The following BPTF variants were observed in gnomAD, a reference collection of about 807,000 sequenced individuals.
BPTF encodes the protein bromodomain PHD finger transcription factor.
A neutral mutation model predicts 292.5 loss-of-function variants in BPTF; 18 were observed. That is an observed-to-expected ratio of 0.06 (90% confidence interval 0.04 to 0.09). BPTF has a LOEUF of 0.09. BPTF is among the 10% of genes least tolerant of loss of function. BPTF has a pLI of 1.00. For missense variants in BPTF, 2,726 were observed against 3,498.7 expected, an observed-to-expected ratio of 0.78 and a Z score of 5.57; for synonymous variants, 1,225 against 1,251.9, an observed-to-expected ratio of 0.98 and a Z score of 0.45.
At chr17:67,927,875 A>G (rs1398355781) in intron 15 of BPTF, among the ~76,000 whole-genome samples, 1 of 152,114 alleles carries the variant, frequency 6.6e-6, no homozygotes, top group African/African-American at 2.4e-5. Flanking sequence ...TCATCAAGAA[A>G]TTAAATTCAG....
intron 1 of BPTF, among the ~76,000 whole-genome samples, chr17:67,841,854 T>A (rs1367894654): frequency 6.6e-6 from 1 of 152,160 alleles, no homozygotes; most frequent in African/African-American, 2.4e-5. Context: ...GTTTTCTGAT[T>A]ATCTCTTTTT....
Position 67,944,157 on chromosome 17 carries a change from A to T in BPTF, c.6485A>T (p.Asn2162Ile). 1 of 1,614,126 alleles carries T rather than the reference A, an allele frequency of 6.2e-7. No homozygotes were observed. The highest frequency in any genetic ancestry group is 8.5e-7 in the Non-Finnish European group (1 of 1,179,946). Reference sequence around the variant, plus strand: ...GTTGTGTTTTTTCCACAGGGTGGCAATCAAGGTTTGACAGTAGTAATTCAA... The same window carrying T: ...GTTGTGTTTTTTCCACAGGGTGGCATTCAAGGTTTGACAGTAGTAATTCAA... ...LTQLTQGHGG[N>I]QGLTVVIQGQ... Residue 2162 changes from asparagine (N) to isoleucine (I), a missense_variant, in exon 20 of 28, where the codon AAT becomes ATT. Coordinates refer to ENST00000306378, the MANE Select transcript of BPTF (RefSeq NM_182641.4).
intron 3 of BPTF, among the ~76,000 whole-genome samples, chr17:67,868,497 A>C (rs748751717): frequency 2.0e-5 from 3 of 152,220 alleles, no homozygotes; most frequent in Non-Finnish European, 4.4e-5. Flanking sequence ...AGGGTTCTGC[A>C]TCCTGAGAAT....
chr17:67,854,585 C>G lies in BPTF; in HGVS notation c.1259C>G (p.Pro420Arg). The G allele has an allele frequency of 6.2e-7, 1 of 1,614,190 alleles. No homozygotes were observed. Among genetic ancestry groups the G allele is most frequent in the East Asian group, 2.2e-5 (1 of 44,880 alleles). Residue 420 changes from proline (P) to arginine (R), a missense_variant, in exon 2 of 28, where the codon CCT becomes CGT. By Grantham distance (103) the Pro-to-Arg change is moderately radical (BLOSUM62 -2). Transcript: ENST00000306378. The surrounding 1 kb of genome is among the most constrained non-coding windows in gnomAD (Gnocchi z 5.6). ...AVYHLECVKP[P>R]LEEVPEDEWQ... ...TACCATTTGGAATGTGTGAAGCCAC[C>G]TCTTGAGGAGGTGCCAGAGGACGAG...
rs2065287774 is a variant in BPTF at position 67,940,628 on chromosome 17, C to T, written c.6449C>T (p.Ala2150Val). ...PQQGQVKLTMAQLTQLTQGHG... is the reference protein window; with the variant it reads ...PQQGQVKLTMVQLTQLTQGHG... ...CAAGGACAAGTGAAGCTCACCATGG[C>T]TCAACTTACTCAGTTAACACAGGGC... Residue 2150 changes from alanine to valine, a missense_variant, in exon 19 of 28, where the codon GCT (alanine) becomes GTT (valine). By Grantham distance (64) the Ala-to-Val change is moderately conservative. Coordinates refer to ENST00000306378, the MANE Select transcript of BPTF (RefSeq NM_182641.4). 1 of 1,614,136 alleles carries T rather than the reference C, an allele frequency of 6.2e-7. No homozygotes were observed. The highest frequency in any genetic ancestry group is 8.5e-7 in the Non-Finnish European group (1 of 1,179,996).
At chr17:67,828,151 C>T (rs888284593) in intron 1 of BPTF, among the ~76,000 whole-genome samples, 3 of 152,092 alleles carry the variant, frequency 2.0e-5, no homozygotes, top group Middle Eastern at 3.4e-3. Flanking sequence ...AGGCTGGTCT[C>T]GAACTCTTGA....
At chr17:67,872,808 A>G (rs898840007) in intron 3 of BPTF, among the ~76,000 whole-genome samples, 75 of 152,352 alleles carry the variant, frequency 4.9e-4, no homozygotes, top group Non-Finnish European at 7.3e-4. Context: ...TTTAAAATAT[A>G]GGAATTAAGG....
rs371004763 is a variant in BPTF at position 67,874,600 on chromosome 17, A to G, written c.1661-217A>G. ...TTAAAAAGTAGAGCCCATAATTAGC[A>G]TGTATTATCTAGAGGTGAAGGTACA... On this transcript the variant is annotated intron_variant, in intron 3 of 27. Transcript: ENST00000306378. Among the ~76,000 whole-genome samples, 5 of 152,176 alleles carry G rather than the reference A, an allele frequency of 3.3e-5. No individual in the cohort carries two copies. In the East Asian group the frequency reaches 5.8e-4, roughly 18 times the overall value.
rs2062617083 is a variant in BPTF, at chr17:67,910,946, A to C, written c.3062A>C (p.Asp1021Ala). The C allele has an allele frequency of 1.2e-6, 2 of 1,614,072 alleles. No homozygotes were observed. The highest frequency in any genetic ancestry group is 4.5e-5 in the East Asian group (2 of 44,872). ...GAAGAACCAATGGAAGTAGACGATGACATGAAAACAGAGTCACATGTAAAT... is the reference window on the plus strand; with the variant it reads ...GAAGAACCAATGGAAGTAGACGATGCCATGAAAACAGAGTCACATGTAAAT... ...CKEEPMEVDD[D>A]MKTESHVNCQ... is the part of the protein sequence containing the mutation. Residue 1021 changes from aspartate (D) to alanine (A), a missense_variant, in exon 11 of 28, where the codon GAC (aspartate) becomes GCC (alanine). This residue lies in a region of BPTF where 713 missense variants were observed against 714.9 expected (regional missense o/e 1.00). Coordinates refer to ENST00000306378, the MANE Select transcript of BPTF (RefSeq NM_182641.4).
intron 26 of BPTF, among the ~76,000 whole-genome samples, chr17:67,966,972 T>C (rs1484418355): frequency 7.3e-5 from 11 of 151,208 alleles, no homozygotes; most frequent in Admixed American, 4.0e-4. Flanking sequence ...TGGTGGTGCA[T>C]GCCTGTATTC....
rs571592305 is a variant in BPTF at position 67,884,426 on chromosome 17, T to C, written c.1865-7418T>C. 1.2e-4 allele frequency among the ~76,000 whole-genome samples: 18 copies of C among 151,944 alleles called. No individual in the cohort carries two copies. In the South Asian group the frequency reaches 3.7e-3, roughly 32 times the overall value. ...CCACTACCCCTGGCCCCTCCCTTTT[T>C]TTTTTTTCTGACAAGTTCTCACTTT... On this transcript the variant is annotated intron_variant, in intron 4 of 27. Coordinates refer to ENST00000306378, the MANE Select transcript of BPTF (RefSeq NM_182641.4).
At chr17:67,931,094 G>A (rs1324204101) in intron 17 of BPTF, among the ~76,000 whole-genome samples, 4 of 152,142 alleles carry the variant, frequency 2.6e-5, no homozygotes, top group Admixed American at 1.3e-4. Context: ...GTGAAACCCT[G>A]TCTCTGCTAA....
chr17:67,917,300 G>C (rs145891866), intron 11 of BPTF, among the ~76,000 whole-genome samples: 1,886 of 151,538 alleles, frequency 0.012, 24 homozygotes, highest in South Asian at 0.065. Context: ...ACCCAGCTTA[G>C]TTTTAGTAGA....
At chr17:67,855,628 G>C (rs544799436) in intron 2 of BPTF, among the ~76,000 whole-genome samples, 34 of 152,164 alleles carry the variant, frequency 2.2e-4, no homozygotes, top group Non-Finnish European at 4.0e-4. Context: ...GAGGTCAGGA[G>C]ACAGTCTCAG....
chr17:67,873,602 C>T (rs943862435), intron 3 of BPTF, among the ~76,000 whole-genome samples: 1 of 152,002 alleles, frequency 6.6e-6, no homozygotes, highest in Non-Finnish European at 1.5e-5. Flanking sequence ...GAACAAATAA[C>T]TAGATATGTT....
chr17:67,893,525 T>C lies in BPTF; in HGVS notation c.2211T>C (p.Asn737=). The change falls in exon 6 of 28, where the codon AAT becomes AAC. Residue 737 remains asparagine, a synonymous_variant. Transcript: ENST00000306378. The stretch of plus-strand genomic sequence containing the variant: ...ACTCCACCAATTCATTTGCTTTGAA[T>C]AAGCACCAGCACAGAGAAGACCATG... ...NQYSTNSFAL[N]KHQHREDHDK... 6.2e-7 allele frequency: 1 copy of C among 1,614,146 alleles called. No individual in the cohort carries two copies. The highest frequency in any genetic ancestry group is 8.5e-7 in the Non-Finnish European group (1 of 1,180,000).
rs143992255 is a variant in BPTF, at chr17:67,894,237, A to G, written c.2543+72A>G. The G allele has an allele frequency of 3.8e-4, 564 of 1,480,508 alleles. 2 individuals carry two copies. In the African/African-American group the frequency reaches 6.9e-3, roughly 18 times the overall value. The allele number at this position is 1,480,508 out of a possible 1,614,324, so 91.7% of individuals were successfully genotyped here. A position where few individuals can be genotyped will look rare whatever the true frequency, so the allele number is the denominator to read the frequency against. ...TTGAAATACTAGCCTATTAATAATG[A>G]AAGTTAATATATTTAAGAGGCCATA... On this transcript the variant is annotated intron_variant, in intron 7 of 27. Transcript: ENST00000306378.
At chr17:67,875,598 A>G in intron 4 of BPTF, 3 of 1,584,976 alleles carry the variant, frequency 1.9e-6, no homozygotes, top group Non-Finnish European at 2.6e-6. Context: ...GTGTCAGCAA[A>G]TCTTGGCGAC....
intron 21 of BPTF, 136 bp downstream of exon 21, chr17:67,946,461 T>A: frequency 7.5e-7 from 1 of 1,324,978 alleles, no homozygotes; most frequent in Non-Finnish European, 1.0e-6. Context: ...AAACACTGAA[T>A]TGACCAAAAA....
Sources: gnomAD v4.1 joint callset for allele counts (sites outside exome capture counted in the v4.1 genomes callset) on GRCh38, gnomAD v4.1.1 for gene constraint, gnomAD v4.1.1 regional missense constraint, Gnocchi (gnomAD v3.1) non-coding constraint, MANE v1.5 for transcripts, NCBI Gene and HGNC (gene_info 2026-07-23, HGNC 2026-07-21) for gene names.